Variants in WIPF3 observed in about 807,000 individuals in gnomAD.
WIPF3 encodes the protein WAS/WASL interacting protein family member 3.
Under a neutral mutation model 38.9 loss-of-function variants are expected in WIPF3, and 33 were observed. That is an observed-to-expected ratio of 0.85 (90% confidence interval 0.64 to 1.14). The LOEUF is 1.14. Among genes scored for constraint, WIPF3 ranks in the 50% most tolerant of loss-of-function variants. WIPF3 has a pLI of 0.00. For synonymous variants in WIPF3, 324 were observed against 269.3 expected, an observed-to-expected ratio of 1.20 and a Z score of -1.99; for missense variants, 711 against 652.5, an observed-to-expected ratio of 1.09 and a Z score of -0.98.
chr7:29,858,493 A>G (rs561971085), intron 2 of WIPF3, among the ~76,000 whole-genome samples: 1 of 152,052 alleles, frequency 6.6e-6, no homozygotes, highest in East Asian at 1.9e-4. Context: ...TGCAAGACAA[A>G]AACAGTCGAG....
At chr7:29,892,254 G>A (rs1196508832) in intron 7 of WIPF3, among the ~76,000 whole-genome samples, 3 of 152,114 alleles carry the variant, frequency 2.0e-5, no homozygotes, top group Non-Finnish European at 4.4e-5. Flanking sequence ...TGTGCCTCAC[G>A]GGACTTTCCA....
chr7:29,815,068 C>T (rs174924), intron 1 of WIPF3, among the ~76,000 whole-genome samples: 40,816 of 152,068 alleles, frequency 0.27, 6,395 homozygotes, highest in Admixed American at 0.39. Flanking sequence ...TTCTAACACT[C>T]GTTTAAACGT....
intron 2 of WIPF3, among the ~76,000 whole-genome samples, chr7:29,853,313 G>A (rs1375140777): frequency 6.6e-6 from 1 of 152,220 alleles, no homozygotes; most frequent in East Asian, 1.9e-4. Context: ...GCCCAGAGGG[G>A]AGGTGAAGTC....
At chr7:29,809,717 A>G (rs1291413352) in intron 1 of WIPF3, among the ~76,000 whole-genome samples, 1 of 152,202 alleles carries the variant, frequency 6.6e-6, no homozygotes, top group Non-Finnish European at 1.5e-5. Flanking sequence ...TCAAGAGGGA[A>G]CCCGACCATT....
At chr7:29,811,023 G>A (rs1280096864) in intron 1 of WIPF3, among the ~76,000 whole-genome samples, 2 of 151,922 alleles carry the variant, frequency 1.3e-5, no homozygotes, top group African/African-American at 4.8e-5. Flanking sequence ...TGAGGAATTG[G>A]AACTACAGGC....
chr7:29,839,249 G>A (rs1784877909), intron 2 of WIPF3, among the ~76,000 whole-genome samples: 1 of 152,100 alleles, frequency 6.6e-6, no homozygotes, highest in African/African-American at 2.4e-5. Flanking sequence ...TGTGGCACTG[G>A]ACAATTTAAA....
In WIPF3 at chr7:29,884,476, C is replaced by A. The variant is rs145976937; in HGVS notation, c.982C>A (p.Pro328Thr). ...CAGTGAAACTCCACCCCCGCTACCC[C>A]CTAAATCCCCCAGCTTCCAGGCCCC... ...SSSETPPPLP[P>T]KSPSFQAPPQ... The change falls in exon 5 of 9, where the codon CCT becomes ACT. Residue 328 changes from proline to threonine, a missense_variant. By Grantham distance (38) the Pro-to-Thr change is conservative (BLOSUM62 -1). Transcript: ENST00000242140. The A allele has an allele frequency of 3.2e-6, 5 of 1,566,398 alleles. No individual in the cohort carries two copies. The highest frequency in any genetic ancestry group is 1.2e-5 in the South Asian group (1 of 84,990).
In WIPF3 at chr7:29,870,958, A is replaced by AG. The variant is rs55927400; in HGVS notation, c.91-4872_91-4871insG. On this transcript the variant is annotated intron_variant, in intron 2 of 8. Transcript: ENST00000242140. ...GGCAACAGAGTGACACCCCATCTCC[A>AG]AAAAAAAAAAAAAAGAATCAGGCTT... is the stretch of plus-strand genomic sequence containing the variant. 0.014 allele frequency among the ~76,000 whole-genome samples: 468 copies of AG among 33,054 alleles called. 15 individuals carry two copies. The East Asian group carries it at 0.24, about 17-fold the overall frequency. 21.7% of individuals were successfully genotyped at this position (33,054 alleles called of 152,430 possible). A position where few individuals can be genotyped will look rare whatever the true frequency, so the allele number is the denominator to read the frequency against.
At chr7:29,831,739 C>G (rs185650678) in intron 1 of WIPF3, among the ~76,000 whole-genome samples, 2 of 152,226 alleles carry the variant, frequency 1.3e-5, no homozygotes, top group East Asian at 1.9e-4. Context: ...CATCTTGTGG[C>G]TCTGCCAACA....
intron 2 of WIPF3, among the ~76,000 whole-genome samples, chr7:29,850,190 C>G (rs1344210724): frequency 1.3e-5 from 2 of 152,184 alleles, no homozygotes; most frequent in Admixed American, 1.3e-4. Context: ...CATGCTTGTT[C>G]CCCATAACTT....
At position 29,889,408 on chromosome 7, in the gene WIPF3, G is replaced by A. The variant is rs1338932861; in HGVS notation, c.1351+1G>A. ...ATTTACCCCAGCAAGATCCCCAGAA[G>A]TAAGTACCACCTTGATAAGACTCCT... On this transcript the variant is annotated splice_donor_variant, in intron 7 of 8. Coordinates refer to ENST00000242140, the MANE Select transcript of WIPF3 (RefSeq NM_001080529.3). LOFTEE classifies it high-confidence loss of function. 1 of 1,612,634 alleles carries A rather than the reference G, an allele frequency of 6.2e-7. No individual in the cohort carries two copies. Among genetic ancestry groups the A allele is most frequent in the Non-Finnish European group, 8.5e-7 (1 of 1,178,726 alleles).
At chr7:29,863,565 T>G (rs1429066254) in intron 2 of WIPF3, among the ~76,000 whole-genome samples, 1 of 152,232 alleles carries the variant, frequency 6.6e-6, no homozygotes, top group Non-Finnish European at 1.5e-5. Context: ...CCTTTGCCTT[T>G]CCATATAAAT....
chr7:29,820,403 T>C (rs1345263067), intron 1 of WIPF3, among the ~76,000 whole-genome samples: 4 of 152,170 alleles, frequency 2.6e-5, no homozygotes, highest in Non-Finnish European at 5.9e-5. Flanking sequence ...TGTGTATTGA[T>C]ATGGCAGATA....
chr7:29,906,194 A>C (rs1051993807), intron 8 of WIPF3: 1 of 152,176 alleles, frequency 6.6e-6, no homozygotes. Context: ...AAAAAAAACA[A>C]ATCAATAGAG....
chr7:29,913,702 T>G (rs1786548478), intron 8 of WIPF3, among the ~76,000 whole-genome samples: 2 of 152,208 alleles, frequency 1.3e-5, no homozygotes, highest in African/African-American at 2.4e-5. Context: ...TCTAGAAATT[T>G]GAAGAACTTG....
intron 6 of WIPF3, 47 bp from the exon 7 acceptor site, chr7:29,889,259 A>G: frequency 6.6e-7 from 1 of 1,508,948 alleles, no homozygotes; most frequent in Non-Finnish European, 9.2e-7. Flanking sequence ...CAAAACTTGG[A>G]TCATGACAGT....
chr7:29,827,215 A>C (rs1784629761), intron 1 of WIPF3, among the ~76,000 whole-genome samples: 1 of 152,068 alleles, frequency 6.6e-6, no homozygotes, highest in African/African-American at 2.4e-5. Context: ...CAAAAGCTAA[A>C]TATTTACAGA....
At chr7:29,832,993 A>G (rs1274187566) in intron 1 of WIPF3, among the ~76,000 whole-genome samples, 2 of 152,242 alleles carry the variant, frequency 1.3e-5, no homozygotes, top group Non-Finnish European at 2.9e-5. Flanking sequence ...ATAATTCAGA[A>G]TGAATTTCTG....
intron 7 of WIPF3, among the ~76,000 whole-genome samples, chr7:29,903,622 A>C (rs567124353): frequency 1.9e-4 from 29 of 152,278 alleles, no homozygotes; most frequent in Non-Finnish European, 2.4e-4. Flanking sequence ...ACACCTGGGA[A>C]TGGGGATTTA....
Sources: gnomAD v4.1 joint callset for allele counts (sites outside exome capture counted in the v4.1 genomes callset) on GRCh38, gnomAD v4.1.1 for gene constraint, MANE v1.5 for transcripts, NCBI Gene and HGNC (gene_info 2026-07-23, HGNC 2026-07-21) for gene names.